GYPC: variants seen among roughly 807,000 people sequenced by gnomAD.
GYPC encodes glycophorin-C.
A neutral mutation model predicts 12.6 loss-of-function variants in GYPC; 14 were observed. That is an observed-to-expected ratio of 1.11 (90% CI 0.74 to 1.74). The LOEUF is 1.74. Among genes scored for constraint, GYPC ranks in the 40% most tolerant of loss-of-function variants. The probability of loss-of-function intolerance (pLI) is 0.00; values close to 1 mark genes in which losing one functional copy is unlikely to be tolerated. For missense variants in GYPC, 225 were observed against 172.1 expected (o/e 1.31, Z -1.72); for synonymous variants, 78 against 62.1 (o/e 1.26, Z -1.20).
Position 126,659,486 on chromosome 2 carries a change from A to T in GYPC, c.49+3174A>T, listed in dbSNP as rs181041876. Among the ~76,000 whole-genome samples, 5 of 152,276 alleles carry T rather than the reference A, an allele frequency of 3.3e-5. No homozygotes were observed. The East Asian group carries it at 9.7e-4, about 29-fold the overall frequency. On this transcript the variant is annotated intron_variant, in intron 1 of 3. Transcript: ENST00000259254. ...CAGCACCTCAGTTTTCCCATCTGTG[A>T]GTGGGAATGATAACAGCCACTTCCC...
chr2:126,675,344 G>A (rs1270377280), intron 1 of GYPC, among the ~76,000 whole-genome samples: 1 of 152,084 alleles, frequency 6.6e-6, no homozygotes, highest in African/African-American at 2.4e-5. Context: ...CAATAACGGG[G>A]CATGTGGAAA....
intron 2 of GYPC, among the ~76,000 whole-genome samples, chr2:126,691,474 T>A (rs945840325): frequency 6.6e-6 from 1 of 152,100 alleles, no homozygotes; most frequent in South Asian, 2.1e-4. Context: ...CTGCTCCTCC[T>A]GCAGACTCAC....
At chr2:126,666,707 CTACACACACA>C (rs775026279) in intron 1 of GYPC, among the ~76,000 whole-genome samples, 1 of 100,000 alleles carries the variant, frequency 1.0e-5, no homozygotes, top group African/African-American at 4.0e-5. Flanking sequence ...CCCTCCCTCC[CTACACACACA>C]CACACACACA....
At chr2:126,686,321 G>T in intron 1 of GYPC, 1 of 985,754 alleles carries the variant, frequency 1.0e-6, no homozygotes, top group African/African-American at 1.7e-5. Context: ...CTGAAGCAGA[G>T]AGCACTGCCC....
intron 1 of GYPC, among the ~76,000 whole-genome samples, chr2:126,677,749 A>C (rs2104789756): frequency 6.6e-6 from 1 of 152,110 alleles, no homozygotes; most frequent in Non-Finnish European, 1.5e-5. Flanking sequence ...TGGAGTTGGG[A>C]CCCAGAGCAC....
Position 126,696,104 on chromosome 2 carries a change from G to T in GYPC, c.349G>T (p.Asp117Tyr). 1 of 1,614,142 alleles carries T rather than the reference G, an allele frequency of 6.2e-7. No homozygotes were observed. The highest frequency in any genetic ancestry group is 8.5e-7 in the Non-Finnish European group (1 of 1,179,954). The stretch of plus-strand genomic sequence containing the variant: ...CCTGCAGGGAGACCCTGCCCTCCAA[G>T]ATGCTGGTGATAGCAGCAGAAAGGA... ...AALQGDPALQ[D>Y]AGDSSRKEYF... The change falls in exon 4 of 4, where the codon GAT becomes TAT. Residue 117 changes from aspartate to tyrosine, a missense_variant. Coordinates refer to ENST00000259254, the MANE Select transcript of GYPC (RefSeq NM_002101.5).
Sources: allele counts gnomAD v4.1 joint callset (sites outside exome capture counted in the v4.1 genomes callset), GRCh38; gene constraint gnomAD v4.1.1; transcripts MANE v1.5; gene names NCBI Gene and HGNC (gene_info 2026-07-23, HGNC 2026-07-21).